Variants in ZNF713 observed in about 807,000 individuals in gnomAD.
The protein encoded by ZNF713 is zinc finger protein 713.
In ZNF713, 21 loss-of-function variants were observed where a neutral mutation model predicts 28.7. The observed-to-expected ratio is 0.73, with a 90% CI of 0.52 to 1.05. ZNF713 has a LOEUF of 1.05. Ranked by LOEUF, ZNF713 falls within the 50% of genes least tolerant of loss-of-function variation. ZNF713 has a pLI of 0.00. For missense variants in ZNF713, 458 were observed against 532.4 expected (o/e 0.86, Z 1.37); for synonymous variants, 167 against 178.0 (o/e 0.94, Z 0.49).
chr7:55,935,853 G>T (rs1786334644), intron 6 of ZNF713, among the ~76,000 whole-genome samples: 1 of 152,024 alleles, frequency 6.6e-6, no homozygotes, highest in East Asian at 1.9e-4. Context: ...TACTCAGGAG[G>T]CTGAGGCAGG....
Position 55,939,706 on chromosome 7 carries a change from T to A in ZNF713, c.1032T>A (p.Cys344Ter). 1 of 1,614,162 alleles carries A rather than the reference T, an allele frequency of 6.2e-7. No homozygotes were observed. The change falls in exon 7 of 7, where the codon TGT becomes TGA. Residue 344 changes from cysteine (C) to a stop codon, truncating the protein, a stop_gained. Transcript: ENST00000429591. LOFTEE classifies it high-confidence loss of function. ...ATACTGGAGAAAAGCCCTATAAATG[T>A]AATCAATGTGGTAAAGCTTTTAGCC... The part of the protein sequence containing the change: ...RIHTGEKPYK[C>*]NQCGKAFSRI...
intron 1 of ZNF713, among the ~76,000 whole-genome samples, chr7:55,900,688 G>T (rs1785559892): frequency 6.6e-6 from 1 of 152,128 alleles, no homozygotes; most frequent in African/African-American, 2.4e-5. Context: ...TAGAATCTGG[G>T]GCTGTGTGGG....
chr7:55,896,420 G>A (rs139359867), intron 1 of ZNF713, among the ~76,000 whole-genome samples: 6 of 152,134 alleles, frequency 3.9e-5, no homozygotes, highest in African/African-American at 1.4e-4. Flanking sequence ...ATAAAGCTGT[G>A]TTATATGTAT....
chr7:55,892,794 C>A (rs1785411470), intron 1 of ZNF713, among the ~76,000 whole-genome samples: 1 of 149,622 alleles, frequency 6.7e-6, no homozygotes, highest in Non-Finnish European at 1.5e-5. Flanking sequence ...ATTACTTGAA[C>A]CTGGGAGGTG....
chr7:55,904,950 C>T (rs1785652163), intron 1 of ZNF713, among the ~76,000 whole-genome samples: 1 of 152,138 alleles, frequency 6.6e-6, no homozygotes, highest in Non-Finnish European at 1.5e-5. Context: ...TGGTCTCGAA[C>T]TCCTGACCTC....
chr7:55,888,620 TCCTC>T, intron 1 of ZNF713, among the ~76,000 whole-genome samples: 1 of 152,128 alleles, frequency 6.6e-6, no homozygotes, highest in African/African-American at 2.4e-5. Flanking sequence ...GCGCAAGTGA[TCCTC>T]CCGCCTTGGC....
intron 4 of ZNF713, among the ~76,000 whole-genome samples, chr7:55,914,045 A>G (rs2116218652): frequency 6.7e-6 from 1 of 150,094 alleles, no homozygotes; most frequent in Middle Eastern, 3.4e-3. Flanking sequence ...TGGTAGGCAG[A>G]GGTTGCAGTA....
chr7:55,894,784 A>G (rs1785444371), intron 1 of ZNF713, among the ~76,000 whole-genome samples: 1 of 152,228 alleles, frequency 6.6e-6, no homozygotes, highest in African/African-American at 2.4e-5. Flanking sequence ...ATTGCATGCA[A>G]AGGAATATAT....
intron 6 of ZNF713, among the ~76,000 whole-genome samples, chr7:55,934,784 T>C (rs1584320006): frequency 6.6e-6 from 1 of 152,204 alleles, no homozygotes; most frequent in East Asian, 1.9e-4. Flanking sequence ...AGATTACAAG[T>C]GTGAGCCACT....
intron 6 of ZNF713, among the ~76,000 whole-genome samples, chr7:55,928,735 A>G (rs1379073891): frequency 6.6e-6 from 1 of 152,250 alleles, no homozygotes; most frequent in East Asian, 1.9e-4. Flanking sequence ...ATACCTTCAT[A>G]GGAGAAACTT....
chr7:55,904,570 C>T (rs1363698328), intron 1 of ZNF713, among the ~76,000 whole-genome samples: 1 of 148,068 alleles, frequency 6.8e-6, no homozygotes, highest in African/African-American at 2.5e-5. Flanking sequence ...GTACTGAGGG[C>T]AGAACAAAAG....
At chr7:55,914,349 A>AT (rs1785841925) in intron 4 of ZNF713, among the ~76,000 whole-genome samples, 1 of 151,756 alleles carries the variant, frequency 6.6e-6, no homozygotes, top group African/African-American at 2.4e-5. Context: ...ATTGAAGGGG[A>AT]TTTTTTTGGT....
At chr7:55,921,349 G>A (rs1240398280) in intron 4 of ZNF713, among the ~76,000 whole-genome samples, 1 of 152,166 alleles carries the variant, frequency 6.6e-6, no homozygotes. Context: ...TGACTTTCAA[G>A]TCTTATTATT....
chr7:55,929,538 T>G (rs1268261405), intron 6 of ZNF713, among the ~76,000 whole-genome samples: 2 of 152,248 alleles, frequency 1.3e-5, no homozygotes, highest in East Asian at 3.9e-4. Context: ...GCTTACCCCT[T>G]GAGCCAAGAT....
In ZNF713 at chr7:55,939,415, T is replaced by C; in HGVS notation, c.741T>C (p.His247=). 1 of 1,613,938 alleles carries C rather than the reference T, an allele frequency of 6.2e-7. No individual in the cohort carries two copies. The highest frequency in any genetic ancestry group is 8.5e-7 in the Non-Finnish European group (1 of 1,180,030). Residue 247 remains histidine (H), a synonymous_variant, in exon 7 of 7, where the codon CAT becomes CAC. Transcript: ENST00000429591. ...YSECGKIFNQ[H]ILLTDHIHTA... is the part of the protein sequence containing the mutation. Reference sequence around the variant, plus strand: ...AGTGTGGAAAAATCTTCAATCAACATATTCTTCTTACTGATCATATTCATA... The same window carrying C: ...AGTGTGGAAAAATCTTCAATCAACACATTCTTCTTACTGATCATATTCATA...
chr7:55,906,127 T>G (rs572130610), intron 1 of ZNF713, 126 bp from the exon 2 acceptor site: 1 of 151,630 alleles, frequency 6.6e-6, no homozygotes, highest in Non-Finnish European at 1.5e-5. Context: ...AATCCACTTA[T>G]AACTGCTGTT....
chr7:55,919,492 T>TTTTTTTGTTTTTTTTTTGTTTTTTTTTTG, intron 4 of ZNF713, among the ~76,000 whole-genome samples: 2 of 14,728 alleles, frequency 1.4e-4, no homozygotes, highest in African/African-American at 4.8e-4. Context: ...ACACTCCAGT[T>TTTTTTTGTTTTTTTTTTGTTTTTTTTTTG]TTTTTTTTTT....
intron 2 of ZNF713, among the ~76,000 whole-genome samples, chr7:55,906,866 C>T (rs146656916): frequency 4.5e-4 from 69 of 152,238 alleles, no homozygotes; most frequent in African/African-American, 1.6e-3. Flanking sequence ...CATTTGCATA[C>T]ACAATTAAGG....
chr7:55,931,638 C>T (rs1786213316), intron 6 of ZNF713, among the ~76,000 whole-genome samples: 1 of 151,714 alleles, frequency 6.6e-6, no homozygotes, highest in Non-Finnish European at 1.5e-5. Context: ...CTCCCTCCTT[C>T]TTTCCCTCTC....
Sources: gnomAD v4.1 joint callset for allele counts (sites outside exome capture counted in the v4.1 genomes callset) on GRCh38, gnomAD v4.1.1 for gene constraint, MANE v1.5 for transcripts, NCBI Gene and HGNC (gene_info 2026-07-23, HGNC 2026-07-21) for gene names.